Variants in ZNF618 observed in about 807,000 individuals in gnomAD.
ZNF618 encodes the protein zinc finger protein 618.
In ZNF618, 34 loss-of-function variants were observed where a neutral mutation model predicts 103.0. The ratio of observed to expected loss-of-function variants is 0.33; its 90% confidence interval spans 0.25 to 0.44. The LOEUF is 0.44. ZNF618 is among the 20% of genes least tolerant of loss of function. The pLI is 1.00. For missense variants in ZNF618, 1,059 were observed against 1,295.4 expected (o/e 0.82, Z 2.80); for synonymous variants, 551 against 542.2 (o/e 1.02, Z -0.23).
At chr9:114,043,783 C>T (rs1045803963) in intron 13 of ZNF618, among the ~76,000 whole-genome samples, 1 of 152,156 alleles carries the variant, frequency 6.6e-6, no homozygotes, top group African/African-American at 2.4e-5. Flanking sequence ...CTTTGATTTG[C>T]ATTTCCCTGA....
chr9:113,949,787 G>A (rs1413321340), intron 1 of ZNF618, among the ~76,000 whole-genome samples: 1 of 152,170 alleles, frequency 6.6e-6, no homozygotes, highest in Admixed American at 6.5e-5. Flanking sequence ...CAAATCTGAG[G>A]GCCTTTCTAG....
chr9:113,955,758 T>C (rs1836221406), intron 1 of ZNF618, among the ~76,000 whole-genome samples: 1 of 152,230 alleles, frequency 6.6e-6, no homozygotes, highest in African/African-American at 2.4e-5. Flanking sequence ...CCCTGCACTT[T>C]ACACATATTT....
chr9:114,044,710 T>G (rs1845507821), intron 13 of ZNF618, among the ~76,000 whole-genome samples: 1 of 152,212 alleles, frequency 6.6e-6, no homozygotes, highest in Admixed American at 6.5e-5. Flanking sequence ...TCATCTATGA[T>G]TTCTTTCAGC....
In ZNF618 at chr9:114,040,953, T is replaced by C. The variant is rs1021347031; in HGVS notation, c.1246+4576T>C. On this transcript the variant is annotated intron_variant, in intron 13 of 14. Coordinates refer to ENST00000374126, the MANE Select transcript of ZNF618 (RefSeq NM_001318042.2). ...CTAGTTTACAGTCCCACCAACAGTGTAAAAGTGTTCCTATTTCTCCACATC... is the reference window on the plus strand; with the variant it reads ...CTAGTTTACAGTCCCACCAACAGTGCAAAAGTGTTCCTATTTCTCCACATC... 2.2e-3 allele frequency among the ~76,000 whole-genome samples: 335 copies of C among 152,328 alleles called. 1 individual carries two copies. Among genetic ancestry groups the C allele is most frequent in the African/African-American group, 7.8e-3 (326 of 41,580 alleles).
At chr9:114,019,739 G>C (rs1360315926) in intron 10 of ZNF618, among the ~76,000 whole-genome samples, 1 of 152,136 alleles carries the variant, frequency 6.6e-6, no homozygotes, top group Non-Finnish European at 1.5e-5. Flanking sequence ...TATTCCAGTA[G>C]GCCTGGGTTC....
Position 114,048,849 on chromosome 9 carries a change from G to A in ZNF618, c.1547G>A (p.Gly516Asp). ...GCCTTCTCGGTCACTGAAATCCTGG[G>A]CAACTTCAACACGCTGGCGCTGAAG... is the stretch of plus-strand genomic sequence containing the variant. ...YGAFSVTEIL[G>D]NFNTLALKHL... Residue 516 changes from glycine to aspartate, a missense_variant, in exon 15 of 15, where the codon GGC (glycine) becomes GAC (aspartate). By Grantham distance (94) the Gly-to-Asp change is moderately conservative. Transcript: ENST00000374126. 1.2e-6 allele frequency: 2 copies of A among 1,609,720 alleles called. No homozygotes were observed. The highest frequency in any genetic ancestry group is 1.7e-6 in the Non-Finnish European group (2 of 1,177,858).
intron 6 of ZNF618, among the ~76,000 whole-genome samples, chr9:114,005,679 T>C (rs1841683242): frequency 6.6e-6 from 1 of 152,128 alleles, no homozygotes; most frequent in African/African-American, 2.4e-5. Flanking sequence ...CCTGGGCAGG[T>C]GTCCTGCACA....
chr9:113,909,998 T>C (rs1302406405), intron 1 of ZNF618, among the ~76,000 whole-genome samples: 1 of 152,156 alleles, frequency 6.6e-6, no homozygotes, highest in Admixed American at 6.5e-5. Flanking sequence ...TTGGTCAGGC[T>C]GGTCTCGAAC....
intron 4 of ZNF618, among the ~76,000 whole-genome samples, chr9:114,000,583 A>ACC (rs78178629): frequency 1.3e-5 from 2 of 151,762 alleles, no homozygotes; most frequent in South Asian, 2.1e-4. Context: ...AAAAGGTTGG[A>ACC]CCCCCCTGAG....
chr9:114,015,618 AT>A (rs1329301453), intron 9 of ZNF618, among the ~76,000 whole-genome samples: 1 of 152,216 alleles, frequency 6.6e-6, no homozygotes, highest in African/African-American at 2.4e-5. Flanking sequence ...ATGTGCAAAG[AT>A]TATATGGAAT....
At chr9:113,967,060 CTG>C (rs1837476890) in intron 1 of ZNF618, among the ~76,000 whole-genome samples, 2 of 152,176 alleles carry the variant, frequency 1.3e-5, no homozygotes, top group Non-Finnish European at 1.5e-5. Context: ...CTGGTCAACT[CTG>C]TGTGAAATTG....
intron 2 of ZNF618, among the ~76,000 whole-genome samples, chr9:113,970,723 C>T (rs1837880563): frequency 6.6e-6 from 1 of 151,852 alleles, no homozygotes; most frequent in Admixed American, 6.6e-5. Flanking sequence ...TTCCCTGACC[C>T]TCCGTATCAA....
At chr9:113,987,138 C>T (rs900017029) in intron 2 of ZNF618, among the ~76,000 whole-genome samples, 3 of 152,168 alleles carry the variant, frequency 2.0e-5, no homozygotes, top group East Asian at 1.9e-4. Flanking sequence ...GAACATGACT[C>T]GATTTCCCAG....
At chr9:114,047,744 A>G (rs1293702312) in intron 13 of ZNF618, 149 bp from the exon 14 acceptor site, 5 of 607,578 alleles carry the variant, frequency 8.2e-6, no homozygotes, top group African/African-American at 7.4e-5. Flanking sequence ...AAGCATAGAT[A>G]GTTGTCTAAG....
intron 1 of ZNF618, among the ~76,000 whole-genome samples, chr9:113,950,461 G>A (rs1332944206): frequency 1.3e-5 from 2 of 152,190 alleles, no homozygotes; most frequent in Non-Finnish European, 2.9e-5. Context: ...ACCATGGGTT[G>A]ATGATCCATG....
chr9:114,016,571 T>G, intron 9 of ZNF618, 124 bp from the exon 10 acceptor site: 1 of 712,504 alleles, frequency 1.4e-6, no homozygotes, highest in Non-Finnish European at 2.4e-6. Context: ...AACTCCAGAG[T>G]CAGAATTGAT....
intron 10 of ZNF618, 144 bp from the exon 11 acceptor site, chr9:114,028,589 A>T (rs2134171515): frequency 1.6e-6 from 2 of 1,220,502 alleles, no homozygotes; most frequent in East Asian, 5.1e-5. Flanking sequence ...GCTCTGAGTT[A>T]AGTGAGAATC....
At chr9:114,031,036 T>C (rs1161325579) in intron 11 of ZNF618, among the ~76,000 whole-genome samples, 1 of 152,210 alleles carries the variant, frequency 6.6e-6, no homozygotes, top group Non-Finnish European at 1.5e-5. Flanking sequence ...AGTCTGATTC[T>C]GCCGTCTTGG....
intron 6 of ZNF618, among the ~76,000 whole-genome samples, chr9:114,004,357 T>G (rs1378120402): frequency 2.6e-5 from 4 of 152,230 alleles, no homozygotes; most frequent in Non-Finnish European, 5.9e-5. Flanking sequence ...AGCCTCAGCC[T>G]GGTCCTTGGC....
Sources: gnomAD v4.1 joint callset for allele counts (sites outside exome capture counted in the v4.1 genomes callset) on GRCh38, gnomAD v4.1.1 for gene constraint, MANE v1.5 for transcripts, NCBI Gene and HGNC (gene_info 2026-07-23, HGNC 2026-07-21) for gene names.